Variants in PTPRD observed in about 807,000 individuals in gnomAD.
PTPRD encodes the protein receptor-type tyrosine-protein phosphatase delta.
A neutral mutation model predicts 214.5 loss-of-function variants in PTPRD; 34 were observed. The observed-to-expected ratio is 0.16, with a 90% CI of 0.12 to 0.21. The LOEUF is 0.21. PTPRD is among the 10% of genes least tolerant of loss of function. PTPRD has a pLI of 1.00. For synonymous variants in PTPRD, 1,128 were observed against 845.7 expected (o/e 1.33, Z -5.79); for missense variants, 2,545 against 2,398.7 (o/e 1.06, Z -1.27).
At chr9:9,312,952 A>G (rs1959873114) in intron 9 of PTPRD, among the ~76,000 whole-genome samples, 1 of 152,152 alleles carries the variant, frequency 6.6e-6, no homozygotes, top group South Asian at 2.1e-4. Context: ...ATCCACCACC[A>G]CTATGGCTAC....
At chr9:10,291,471 C>T (rs764454390) in intron 3 of PTPRD, among the ~76,000 whole-genome samples, 2 of 152,010 alleles carry the variant, frequency 1.3e-5, no homozygotes, top group Non-Finnish European at 2.9e-5. Context: ...GTGGACCCTA[C>T]ATATAATCAC....
chr9:9,063,312 A>G (rs2099711092), intron 10 of PTPRD, among the ~76,000 whole-genome samples: 1 of 152,196 alleles, frequency 6.6e-6, no homozygotes, highest in Non-Finnish European at 1.5e-5. Context: ...TTCATGCCTA[A>G]GAAGGTAAAA....
chr9:10,565,413 T>G lies in PTPRD; in HGVS notation c.-600+46985A>C, dbSNP rs551314109. Among the ~76,000 whole-genome samples, 49 of 152,166 alleles carry G rather than the reference T, an allele frequency of 3.2e-4. No individual in the cohort carries two copies. In the South Asian group the frequency reaches 1.0e-2, roughly 31 times the overall value. ...ACAATTATTTTTGTAGCAAAAATTA[T>G]GGACCAAGCATAATGTATTAAGAAT... On this transcript the variant is annotated intron_variant, in intron 2 of 45. Coordinates refer to ENST00000381196, the MANE Select transcript of PTPRD (RefSeq NM_002839.4).
At chr9:9,427,544 A>AT (rs137996508) in intron 8 of PTPRD, among the ~76,000 whole-genome samples, 83,046 of 151,874 alleles carry the variant, frequency 0.55, 23,355 homozygotes, top group Middle Eastern at 0.68. Flanking sequence ...CAACATTGAA[A>AT]TCAGGAAACA....
At chr9:9,017,394 A>G (rs1342901781) in intron 11 of PTPRD, among the ~76,000 whole-genome samples, 4 of 152,172 alleles carry the variant, frequency 2.6e-5, no homozygotes, top group Non-Finnish European at 5.9e-5. Flanking sequence ...TTCCTTTGCC[A>G]GCAAATAGCA....
intron 9 of PTPRD, among the ~76,000 whole-genome samples, chr9:9,275,092 T>A (rs1468669830): frequency 5.4e-5 from 4 of 74,332 alleles, no homozygotes; most frequent in African/African-American, 1.1e-4. Context: ...AATATATATG[T>A]TATATATATA....
At chr9:10,304,812 C>G (rs1160695812) in intron 3 of PTPRD, among the ~76,000 whole-genome samples, 1 of 152,058 alleles carries the variant, frequency 6.6e-6, no homozygotes, top group Admixed American at 6.6e-5. Flanking sequence ...AGAATCAATT[C>G]ATGAAAATGG....
intron 5 of PTPRD, among the ~76,000 whole-genome samples, chr9:9,905,675 T>G (rs2077396629): frequency 6.6e-6 from 1 of 152,004 alleles, no homozygotes; most frequent in African/African-American, 2.4e-5. Context: ...GTAATTAAAT[T>G]TCCTACTGCG....
chr9:8,344,458 T>TTC (rs1304102684), intron 39 of PTPRD, among the ~76,000 whole-genome samples: 1 of 151,718 alleles, frequency 6.6e-6, no homozygotes, highest in East Asian at 1.9e-4. Context: ...GGTGATTTTT[T>TTC]TTTTCCAAAA....
At chr9:8,979,099 G>A (rs191385174) in intron 11 of PTPRD, among the ~76,000 whole-genome samples, 4 of 152,224 alleles carry the variant, frequency 2.6e-5, no homozygotes, top group Admixed American at 2.6e-4. Flanking sequence ...AAGGTTAAAA[G>A]CAGTTCAGTT....
intron 34 of PTPRD, among the ~76,000 whole-genome samples, chr9:8,443,790 C>T (rs976802510): frequency 1.3e-5 from 2 of 152,134 alleles, no homozygotes; most frequent in Non-Finnish European, 2.9e-5. Context: ...CCAGTAGCAT[C>T]TTCTCTTACA....
At chr9:9,272,222 T>A (rs1165820670) in intron 9 of PTPRD, among the ~76,000 whole-genome samples, 1 of 151,262 alleles carries the variant, frequency 6.6e-6, no homozygotes, top group East Asian at 2.0e-4. Flanking sequence ...TACTCTGATA[T>A]GTGGGCTTTT....
chr9:10,007,445 G>A (rs557964661), intron 4 of PTPRD, among the ~76,000 whole-genome samples: 142 of 152,086 alleles, frequency 9.3e-4, no homozygotes, highest in African/African-American at 3.3e-3. Flanking sequence ...GTGAGAATAC[G>A]ATACGAAGAG....
chr9:8,973,049 G>A (rs943897658), intron 11 of PTPRD, among the ~76,000 whole-genome samples: 2 of 151,222 alleles, frequency 1.3e-5, no homozygotes, highest in African/African-American at 2.4e-5. Flanking sequence ...AGATATTATT[G>A]AGAAGTATGT....
At chr9:10,349,700 A>G (rs2097150007) in intron 2 of PTPRD, among the ~76,000 whole-genome samples, 1 of 152,254 alleles carries the variant, frequency 6.6e-6, no homozygotes, top group African/African-American at 2.4e-5. Flanking sequence ...AAAAATAATC[A>G]TTAAAAATAA....
At chr9:8,351,739 GAGT>G (rs1564182318) in intron 39 of PTPRD, among the ~76,000 whole-genome samples, 1 of 35,136 alleles carries the variant, frequency 2.8e-5, no homozygotes, top group Non-Finnish European at 4.8e-5. Flanking sequence ...GCTTGGCAAA[GAGT>G]AAAAAAAAAA....
At chr9:8,994,676 TG>T (rs919173447) in intron 11 of PTPRD, among the ~76,000 whole-genome samples, 2 of 151,920 alleles carry the variant, frequency 1.3e-5, no homozygotes, top group Non-Finnish European at 2.9e-5. Context: ...GGGTGTTGTT[TG>T]TTTTTGTAAT....
At chr9:10,194,345 TAGAGAGAGAGAGAGAGAGAGAG>T (rs1182799154) in intron 3 of PTPRD, among the ~76,000 whole-genome samples, 1,122 of 39,564 alleles carry the variant, frequency 0.028, 16 homozygotes, top group South Asian at 0.074. Flanking sequence ...TATATATATA[TAGAGAGAGAGAGAGAGAGAGAG>T]AGAGAGAGAG....
chr9:9,706,942 C>T (rs555909862), intron 7 of PTPRD, among the ~76,000 whole-genome samples: 1 of 152,104 alleles, frequency 6.6e-6, no homozygotes, highest in Admixed American at 6.6e-5. Context: ...TCCAAAGGAC[C>T]ATTTGGCCCC....
Sources: gnomAD v4.1 joint callset for allele counts (sites outside exome capture counted in the v4.1 genomes callset) on GRCh38, gnomAD v4.1.1 for gene constraint, MANE v1.5 for transcripts, NCBI Gene and HGNC (gene_info 2026-07-23, HGNC 2026-07-21) for gene names.